The following C14orf132 variants were observed in gnomAD, a reference collection of about 807,000 sequenced individuals.
The protein encoded by C14orf132 is uncharacterized protein C14orf132.
C14orf132 carries 6 observed loss-of-function variants against 5.8 expected under a neutral mutation model. The observed-to-expected ratio is 1.03, with a 90% CI of 0.57 to 2.04. C14orf132 has a LOEUF of 2.04. C14orf132 is among the 30% of genes most tolerant of loss of function. The pLI, the probability that C14orf132 is intolerant of heterozygous loss-of-function variation, is 0.00. For synonymous variants in C14orf132, 51 were observed against 49.8 expected, an observed-to-expected ratio of 1.02 and a Z score of -0.10; for missense variants, 125 against 115.8, an observed-to-expected ratio of 1.08 and a Z score of -0.37.
At chr14:96,076,967 T>G (rs776064061) in intron 1 of C14orf132, among the ~76,000 whole-genome samples, 4 of 152,358 alleles carry the variant, frequency 2.6e-5, no homozygotes, top group Non-Finnish European at 5.9e-5. Flanking sequence ...AATGTCTTTC[T>G]GTTATTGACT....
intron 1 of C14orf132, among the ~76,000 whole-genome samples, chr14:96,065,871 A>G (rs528320841): frequency 1.3e-5 from 2 of 152,294 alleles, no homozygotes; most frequent in South Asian, 2.1e-4. Context: ...CAAAGATGCT[A>G]TCGAGTTAAT....
intron 1 of C14orf132, among the ~76,000 whole-genome samples, chr14:96,044,162 T>A (rs1886772510): frequency 6.6e-6 from 1 of 152,200 alleles, no homozygotes; most frequent in Non-Finnish European, 1.5e-5. Flanking sequence ...TGTACATTTT[T>A]ATTTTATTAT....
intron 1 of C14orf132, among the ~76,000 whole-genome samples, chr14:96,049,566 A>G (rs1886948927): frequency 7.4e-6 from 1 of 135,398 alleles, no homozygotes; most frequent in Admixed American, 7.4e-5. Flanking sequence ...ATATACGTAT[A>G]TATACATATA....
At chr14:96,076,330 G>A (rs979851432) in intron 1 of C14orf132, among the ~76,000 whole-genome samples, 29 of 152,284 alleles carry the variant, frequency 1.9e-4, no homozygotes, top group African/African-American at 7.0e-4. Context: ...TCAGCCTGGC[G>A]AGAGGTTTAT....
chr14:96,053,393 A>G (rs61539176), intron 1 of C14orf132, among the ~76,000 whole-genome samples: 1 of 152,356 alleles, frequency 6.6e-6, no homozygotes, highest in East Asian at 1.9e-4. Context: ...GAGCGAGGGC[A>G]CCACACAGTC....
At chr14:96,052,828 C>T (rs1566825024) in intron 1 of C14orf132, among the ~76,000 whole-genome samples, 1 of 152,144 alleles carries the variant, frequency 6.6e-6, no homozygotes, top group Non-Finnish European at 1.5e-5. Context: ...TTCCTCTGAA[C>T]GATTCCATGG....
chr14:96,054,448 C>T (rs1442934682), intron 1 of C14orf132, among the ~76,000 whole-genome samples: 2 of 152,142 alleles, frequency 1.3e-5, no homozygotes, highest in Non-Finnish European at 2.9e-5. Flanking sequence ...GGCTTGAGTT[C>T]CCGGCCTGCC....
In C14orf132 at chr14:96,039,462, G is replaced by T; in HGVS notation, c.-39G>T. On this transcript the variant is annotated 5_prime_UTR_variant, in exon 1 of 2. Transcript: ENST00000555004. The surrounding 1 kb of genome is among the most constrained non-coding windows in gnomAD (Gnocchi z 5.3). ...CAGGCGGCTGACCCGCAGCGGCAGC[G>T]GCAGCAGCGAGGACTCGAGCGCTGG... 6.7e-7 allele frequency: 1 copy of T among 1,485,104 alleles called. No homozygotes were observed. Among genetic ancestry groups the T allele is most frequent in the African/African-American group, 1.4e-5 (1 of 69,396 alleles). The allele number at this position is 1,485,104 out of a possible 1,614,324, so 92.0% of individuals were successfully genotyped here.
chr14:96,090,793 C>T lies in C14orf132; in HGVS notation c.*4058C>T, dbSNP rs1254414027. 1 of 455,962 alleles carries T rather than the reference C, an allele frequency of 2.2e-6. No individual in the cohort carries two copies. Among genetic ancestry groups the T allele is most frequent in the Non-Finnish European group, 4.4e-6 (1 of 226,794 alleles). 28.2% of individuals were successfully genotyped at this position (455,962 alleles called of 1,614,324 possible). ...TGGAAGGCTTGGAGGCTGGCCAGAC[C>T]ACTCTGGCGTCTCCTGAAGTGGGTC... On this transcript the variant is annotated 3_prime_UTR_variant, in exon 2 of 2. Coordinates refer to ENST00000555004, the MANE Select transcript of C14orf132 (RefSeq NM_001252507.3).
intron 1 of C14orf132, among the ~76,000 whole-genome samples, chr14:96,082,119 C>A (rs976620746): frequency 6.6e-6 from 1 of 152,140 alleles, no homozygotes; most frequent in Non-Finnish European, 1.5e-5. Flanking sequence ...TAGGCTCACG[C>A]CCCCAAATCT....
At chr14:96,084,115 A>G (rs1888110162) in intron 1 of C14orf132, among the ~76,000 whole-genome samples, 1 of 152,250 alleles carries the variant, frequency 6.6e-6, no homozygotes, top group South Asian at 2.1e-4. Context: ...ACATATGCCC[A>G]GAGAGCTCCA....
intron 1 of C14orf132, among the ~76,000 whole-genome samples, chr14:96,058,455 G>A (rs1022847923): frequency 6.6e-6 from 1 of 151,998 alleles, no homozygotes. Flanking sequence ...GCCTCCCGGG[G>A]AAGGTTTTAA....
chr14:96,074,486 T>C (rs977583751), intron 1 of C14orf132, among the ~76,000 whole-genome samples: 1 of 152,148 alleles, frequency 6.6e-6, no homozygotes, highest in Non-Finnish European at 1.5e-5. Context: ...TCTAAACGTG[T>C]TATAGTTTTA....
chr14:96,067,067 T>C (rs1887553322), intron 1 of C14orf132, among the ~76,000 whole-genome samples: 1 of 152,188 alleles, frequency 6.6e-6, no homozygotes, highest in South Asian at 2.1e-4. Flanking sequence ...ACCATGAAGT[T>C]ACAGCAGCCA....
intron 1 of C14orf132, 58 bp from the exon 2 acceptor site, chr14:96,086,453 G>A: frequency 1.4e-6 from 2 of 1,475,566 alleles, no homozygotes; most frequent in Non-Finnish European, 1.8e-6. Context: ...CCCTTTTGCA[G>A]GGTACATCTG....
chr14:96,080,722 C>T (rs2181641), intron 1 of C14orf132, among the ~76,000 whole-genome samples: 91,818 of 151,890 alleles, frequency 0.6, 28,237 homozygotes, highest in East Asian at 0.9. Flanking sequence ...CCTCTGAGGC[C>T]CCTGGAGGAT....
At chr14:96,044,283 C>G (rs976189202) in intron 1 of C14orf132, among the ~76,000 whole-genome samples, 1 of 152,188 alleles carries the variant, frequency 6.6e-6, no homozygotes, top group African/African-American at 2.4e-5. Flanking sequence ...AAGCAATCTG[C>G]CCACCTCAAC....
In C14orf132 at chr14:96,091,185, G is replaced by A; in HGVS notation, c.*4450G>A. 1 of 375,806 alleles carries A rather than the reference G, an allele frequency of 2.7e-6. No individual in the cohort carries two copies. The highest frequency in any genetic ancestry group is 3.3e-5 in the Admixed American group (1 of 30,488). 23.3% of individuals were successfully genotyped at this position (375,806 alleles called of 1,614,324 possible). A position where few individuals can be genotyped will look rare whatever the true frequency, so the allele number is the denominator to read the frequency against. ...GAGGCACCCTGCATCATGCCCACCAGGGTGATCCCCCTGGGATGGACCATC... is the reference window on the plus strand; with the variant it reads ...GAGGCACCCTGCATCATGCCCACCAAGGTGATCCCCCTGGGATGGACCATC... On this transcript the variant is annotated 3_prime_UTR_variant, in exon 2 of 2. Transcript: ENST00000555004.
chr14:96,067,998 C>T (rs929682564), intron 1 of C14orf132, among the ~76,000 whole-genome samples: 21 of 152,284 alleles, frequency 1.4e-4, no homozygotes, highest in South Asian at 6.2e-4. Flanking sequence ...ATGCCTGTAA[C>T]GTGCTCAGCC....
Sources: allele counts gnomAD v4.1 joint callset (sites outside exome capture counted in the v4.1 genomes callset), GRCh38; gene constraint gnomAD v4.1.1; non-coding constraint Gnocchi (gnomAD v3.1); transcripts MANE v1.5; gene names NCBI Gene and HGNC (gene_info 2026-07-23, HGNC 2026-07-21).